RUBCNL: variants seen among roughly 807,000 people sequenced by gnomAD.
RUBCNL encodes protein associated with UVRAG as autophagy enhancer.
RUBCNL carries 62 observed loss-of-function variants against 69.5 expected under a neutral mutation model. The observed-to-expected ratio is 0.89, with a 90% CI of 0.73 to 1.10. RUBCNL has a LOEUF of 1.10. Among genes scored for constraint, RUBCNL ranks in the 50% least tolerant of loss-of-function variants. The probability of loss-of-function intolerance (pLI) is 0.00; values close to 1 mark genes in which losing one functional copy is unlikely to be tolerated. For synonymous variants in RUBCNL, 291 were observed against 303.6 expected, an observed-to-expected ratio of 0.96 and a Z score of 0.43; for missense variants, 768 against 798.1, an observed-to-expected ratio of 0.96 and a Z score of 0.45.
intron 1 of RUBCNL, among the ~76,000 whole-genome samples, 154 bp from the exon 2 acceptor site, chr13:46,378,159 G>A (rs1245249157): frequency 2.0e-5 from 3 of 152,092 alleles, no homozygotes; most frequent in Admixed American, 6.6e-5. Context: ...TGTTTTGGTA[G>A]CACTGGGGTA....
chr13:46,360,532 T>C (rs2048587347), intron 8 of RUBCNL, among the ~76,000 whole-genome samples: 1 of 152,148 alleles, frequency 6.6e-6, no homozygotes, highest in Admixed American at 6.5e-5. Context: ...CCCTCCACTT[T>C]TGCTGCAGCT....
chr13:46,376,489 C>G (rs1471944378), intron 2 of RUBCNL, among the ~76,000 whole-genome samples: 8 of 152,168 alleles, frequency 5.3e-5, no homozygotes, highest in Admixed American at 5.2e-4. Context: ...CGCCAGAACT[C>G]ACCAGCCCAA....
chr13:46,368,418 T>C (rs2048807162), intron 4 of RUBCNL, 169 bp from the exon 5 acceptor site: 11 of 981,516 alleles, frequency 1.1e-5, no homozygotes, highest in African/African-American at 1.7e-5. Context: ...TAGCACACAT[T>C]GTCCAGAGAC....
chr13:46,362,071 CAAA>C (rs79139530), intron 7 of RUBCNL, among the ~76,000 whole-genome samples: 16 of 112,402 alleles, frequency 1.4e-4, no homozygotes, highest in African/African-American at 4.8e-4. Flanking sequence ...ACTAAAAATA[CAAA>C]AAAAAAAAAA....
chr13:46,389,780 C>T (rs560021810), upstream of RUBCNL: 1 of 152,346 alleles, frequency 6.6e-6, no homozygotes, highest in South Asian at 2.1e-4. This position sits in a 1 kb window ranked among gnomAD's most constrained non-coding sequence, Gnocchi z 4.2. Flanking sequence ...GTTAGGAATG[C>T]TCACTGGAAA....
At chr13:46,346,700 T>C (rs1426777419) in intron 12 of RUBCNL, among the ~76,000 whole-genome samples, 1 of 152,128 alleles carries the variant, frequency 6.6e-6, no homozygotes, top group African/African-American at 2.4e-5. Context: ...CCAGAATACA[T>C]GCTCCTTCCC....
At chr13:46,350,468 A>C (rs1296578305) in intron 10 of RUBCNL, 117 bp from the exon 11 acceptor site, 1 of 738,314 alleles carries the variant, frequency 1.4e-6, no homozygotes, top group Non-Finnish European at 2.2e-6. Flanking sequence ...TTTCATGATG[A>C]TAAAGCCATA....
At chr13:46,387,455 A>G (rs1350442986), upstream of RUBCNL, 3 of 985,278 alleles carry the variant, frequency 3.0e-6, no homozygotes, top group Non-Finnish European at 2.4e-6. Flanking sequence ...GCCCGGGCCC[A>G]GCACCACGCA....
intron 1 of RUBCNL, among the ~76,000 whole-genome samples, chr13:46,380,409 C>G (rs1416220452): frequency 2.0e-5 from 3 of 152,086 alleles, no homozygotes; most frequent in Non-Finnish European, 4.4e-5. Context: ...GGGGACTTAC[C>G]CAAAGTCTCG....
rs187874406 is a variant in RUBCNL, at chr13:46,383,917, T to C, written c.-239+3217A>G. Reference sequence around the variant, plus strand: ...CCCAGGAGGCCCAGGCTAAACTAATTTAGCCCTAATTCTACAAGCACAGCG... The same window carrying C: ...CCCAGGAGGCCCAGGCTAAACTAATCTAGCCCTAATTCTACAAGCACAGCG... On this transcript the variant is annotated intron_variant, in intron 1 of 14. Coordinates refer to ENST00000429979, the MANE Select transcript of RUBCNL (RefSeq NM_025113.5). Among the ~76,000 whole-genome samples the C allele has an allele frequency of 1.3e-3, 201 of 152,294 alleles. 1 individual carries two copies. Among genetic ancestry groups the C allele is most frequent in the Non-Finnish European group, 2.1e-3 (140 of 68,014 alleles).
At position 46,361,741 on chromosome 13, in the gene RUBCNL, G is replaced by A. The variant is rs144575858; in HGVS notation, c.987-168C>T. On this transcript the variant is annotated intron_variant, in intron 7 of 14. Transcript: ENST00000429979. Reference sequence around the variant, plus strand: ...AGGCATCTTACTCAACATGGCTCCTGCATGTTCAATAAATAAAGCATCTTT... The same window carrying A: ...AGGCATCTTACTCAACATGGCTCCTACATGTTCAATAAATAAAGCATCTTT... Among the ~76,000 whole-genome samples, 241 of 152,214 alleles carry A rather than the reference G, an allele frequency of 1.6e-3. 4 individuals carry two copies. In the East Asian group the frequency reaches 0.024, roughly 15 times the overall value.
rs751001888 is a variant in RUBCNL, at chr13:46,350,140, C to T, written c.1542G>A (p.Ala514=). ...NLLSIGQSLY[A]KAKELDRVKE... ...TCACTCTGTCCAGCTCCTTGGCTTT[C>T]GCATACAGGCTTTGGCCGATGCTCA... The change falls in exon 11 of 15, where the codon GCG becomes GCA. Residue 514 remains alanine (A), a synonymous_variant. Coordinates refer to ENST00000429979, the MANE Select transcript of RUBCNL (RefSeq NM_025113.5). 31 of 1,573,920 alleles carry T rather than the reference C, an allele frequency of 2.0e-5. No homozygotes were observed. Among genetic ancestry groups the T allele is most frequent in the South Asian group, 1.0e-4 (9 of 85,746 alleles).
chr13:46,352,328 T>C (rs1053697980), intron 10 of RUBCNL, among the ~76,000 whole-genome samples: 5 of 152,230 alleles, frequency 3.3e-5, no homozygotes, highest in Admixed American at 3.3e-4. Context: ...GAACCAAGTT[T>C]GATATTTATC....
chr13:46,344,207 C>T (rs2048193403), intron 14 of RUBCNL, among the ~76,000 whole-genome samples: 1 of 152,184 alleles, frequency 6.6e-6, no homozygotes, highest in Non-Finnish European at 1.5e-5. Flanking sequence ...GGATATGCCC[C>T]TATCAAGGGT....
chr13:46,363,093 C>T (rs762514700), intron 6 of RUBCNL, 22 bp downstream of exon 6: 2 of 1,510,778 alleles, frequency 1.3e-6, no homozygotes, highest in Admixed American at 1.8e-5. Flanking sequence ...CCAGTCACAT[C>T]CAAACAGTTT....
intron 6 of RUBCNL, among the ~76,000 whole-genome samples, 155 bp downstream of exon 6, chr13:46,362,960 A>C (rs571439909): frequency 4.5e-4 from 41 of 90,184 alleles, no homozygotes; most frequent in Middle Eastern, 0.011. Context: ...ATATATATAT[A>C]TATATATATA....
chr13:46,372,186 T>G lies in RUBCNL; in HGVS notation c.290A>C (p.Asp97Ala), dbSNP rs2048892125. The G allele has an allele frequency of 6.2e-7, 1 of 1,613,444 alleles. No individual in the cohort carries two copies. Among genetic ancestry groups the G allele is most frequent in the Admixed American group, 1.7e-5 (1 of 59,960 alleles). The change falls in exon 3 of 15, where the codon GAC becomes GCC. Residue 97 changes from aspartate to alanine, a missense_variant. Physicochemically the swap from Asp to Ala is moderately radical, Grantham distance 126. Coordinates refer to ENST00000429979, the MANE Select transcript of RUBCNL (RefSeq NM_025113.5). ...AGACAACGTTGTCTCTGCCAGGGAG[T>G]CCCCGAGGCACGAAGGTGAAGGGCC... ...PSGPSPSCLG[D>A]SLAETTLSED...
At chr13:46,377,064 C>T (rs1439511285) in intron 2 of RUBCNL, among the ~76,000 whole-genome samples, 1 of 152,088 alleles carries the variant, frequency 6.6e-6, no homozygotes, top group Non-Finnish European at 1.5e-5. Flanking sequence ...ACTAGTTCCA[C>T]TCTTAGTCTG....
chr13:46,363,164 A>G lies in RUBCNL; in HGVS notation c.876T>C (p.His292=). 6.2e-7 allele frequency: 1 copy of G among 1,602,762 alleles called. No individual in the cohort carries two copies. The highest frequency in any genetic ancestry group is 8.5e-7 in the Non-Finnish European group (1 of 1,174,760). The change falls in exon 6 of 15, where the codon CAT becomes CAC. Residue 292 remains histidine (H), a synonymous_variant. Coordinates refer to ENST00000429979, the MANE Select transcript of RUBCNL (RefSeq NM_025113.5). ...VSPVTETRTY[H]DVKEICKCDV... is the part of the protein sequence containing the mutation. ...CGCATTTGCAAATCTCTTTCACATC[A>G]TGGTAAGTACGTGTTTCAGTCACTG...
Sources: gnomAD v4.1 joint callset for allele counts (sites outside exome capture counted in the v4.1 genomes callset) on GRCh38, gnomAD v4.1.1 for gene constraint, Gnocchi (gnomAD v3.1) non-coding constraint, MANE v1.5 for transcripts, NCBI Gene and HGNC (gene_info 2026-07-23, HGNC 2026-07-21) for gene names.